The following BMS1 variants were observed in gnomAD, a reference collection of about 807,000 sequenced individuals.
The protein encoded by BMS1 is ribosome biogenesis protein BMS1 homolog.
Under a neutral mutation model 138.7 loss-of-function variants are expected in BMS1, and 53 were observed. That is an observed-to-expected ratio of 0.38 (90% confidence interval 0.31 to 0.48). The LOEUF (loss-of-function observed/expected upper bound fraction) is 0.48. Among genes scored for constraint, BMS1 ranks in the 20% least tolerant of loss-of-function variants. The probability of loss-of-function intolerance (pLI) is 0.97; values close to 1 mark genes in which losing one functional copy is unlikely to be tolerated. For missense variants in BMS1, 1,360 were observed against 1,565.5 expected, an observed-to-expected ratio of 0.87 and a Z score of 2.22; for synonymous variants, 504 against 539.9, an observed-to-expected ratio of 0.93 and a Z score of 0.92.
chr10:42,810,424 C>A (rs1413226193), intron 13 of BMS1, among the ~76,000 whole-genome samples: 1 of 152,092 alleles, frequency 6.6e-6, no homozygotes, highest in Non-Finnish European at 1.5e-5. Context: ...ATGAGAGATA[C>A]TGGTCTGTGA....
chr10:42,789,290 C>T (rs2132299337), intron 4 of BMS1, among the ~76,000 whole-genome samples: 1 of 152,330 alleles, frequency 6.6e-6, no homozygotes, highest in Admixed American at 6.5e-5. Context: ...AAAAGCTGTG[C>T]TTGCTGCCTC....
rs774220524 is a variant in BMS1, at chr10:42,823,115, T to C, written c.3133-3T>C. The C allele has an allele frequency of 6.3e-7, 1 of 1,575,356 alleles. No homozygotes were observed. The highest frequency in any genetic ancestry group is 1.2e-5 in the South Asian group (1 of 83,760). On this transcript the variant is annotated splice_polypyrimidine_tract_variant and splice_region_variant and intron_variant, in intron 19 of 22. Coordinates refer to ENST00000374518, the MANE Select transcript of BMS1 (RefSeq NM_014753.4). ...GTGTGTTTTTATCTTGCTATACCTG[T>C]AGGGAATGTTTAATTCTGCCTTGGA...
rs1422627807 is a variant in BMS1, at chr10:42,831,619, C to T, written c.*523C>T. 1 of 156,478 alleles carries T rather than the reference C, an allele frequency of 6.4e-6. No individual in the cohort carries two copies. Among genetic ancestry groups the T allele is most frequent in the Non-Finnish European group, 1.4e-5 (1 of 70,580 alleles). 9.7% of individuals were successfully genotyped at this position (156,478 alleles called of 1,614,324 possible). ...AACCTAGATGGTACAGCCTACTGTG[C>T]ACCCAGGATCTATGGGCTCCTTTGA... is the stretch of plus-strand genomic sequence containing the variant. On this transcript the variant is annotated 3_prime_UTR_variant, in exon 23 of 23. Coordinates refer to ENST00000374518, the MANE Select transcript of BMS1 (RefSeq NM_014753.4).
chr10:42,826,645 G>A (rs1220494232), intron 21 of BMS1, among the ~76,000 whole-genome samples: 1 of 152,224 alleles, frequency 6.6e-6, no homozygotes, highest in Non-Finnish European at 1.5e-5. Context: ...GGGTTCTACA[G>A]TTGTTTGTCC....
At chr10:42,798,724 T>G (rs1841775478) in intron 12 of BMS1, 99 bp downstream of exon 12, 2 of 1,488,098 alleles carry the variant, frequency 1.3e-6, no homozygotes, top group African/African-American at 1.4e-5. Context: ...GTTGGCTTCT[T>G]ATTTTTACAG....
intron 4 of BMS1, among the ~76,000 whole-genome samples, chr10:42,788,676 G>A (rs1354017731): frequency 1.3e-5 from 2 of 152,162 alleles, no homozygotes; most frequent in Admixed American, 1.3e-4. Context: ...CATTGAGAGA[G>A]ATGCCCATTA....
In BMS1 at chr10:42,796,467, A is replaced by C. The variant is rs754149722; in HGVS notation, c.1230-7A>C. On this transcript the variant is annotated splice_polypyrimidine_tract_variant and splice_region_variant and intron_variant, in intron 9 of 22. Coordinates refer to ENST00000374518, the MANE Select transcript of BMS1 (RefSeq NM_014753.4). ...TTGAATTATTTTGTATTTCCTTGGT[A>C]ATACAGGCTAATGATGCCAAAGGAG... is the stretch of plus-strand genomic sequence containing the variant. 29 of 1,604,662 alleles carry C rather than the reference A, an allele frequency of 1.8e-5. No homozygotes were observed. The highest frequency in any genetic ancestry group is 2.5e-5 in the Non-Finnish European group (29 of 1,172,994).
intron 13 of BMS1, among the ~76,000 whole-genome samples, chr10:42,814,495 C>T (rs796316270): frequency 6.6e-6 from 1 of 152,052 alleles, no homozygotes; most frequent in African/African-American, 2.4e-5. Flanking sequence ...TTGTTTGTTG[C>T]CATAGGATTT....
intron 13 of BMS1, among the ~76,000 whole-genome samples, chr10:42,810,010 C>G (rs183341021): frequency 1.5e-4 from 18 of 123,884 alleles, no homozygotes; most frequent in African/African-American, 5.4e-4. Context: ...CCAGGCTGGT[C>G]TTGGCTTCAA....
At chr10:42,830,022 G>T (rs1842756234) in intron 21 of BMS1, among the ~76,000 whole-genome samples, 1 of 152,132 alleles carries the variant, frequency 6.6e-6, no homozygotes, top group Non-Finnish European at 1.5e-5. Flanking sequence ...GGCACAGTGG[G>T]TTTTGGGGGG....
chr10:42,826,237 T>TTGTGTGTGTGTGTGTGTGTGTG (rs35886214), intron 21 of BMS1, among the ~76,000 whole-genome samples: 1 of 145,648 alleles, frequency 6.9e-6, no homozygotes, highest in Non-Finnish European at 1.5e-5. Context: ...TTTTTGTTTG[T>TTGTGTGTGTGTGTGTGTGTGTG]TGTGTGTGTG....
At chr10:42,795,826 C>T (rs1359023015) in intron 9 of BMS1, among the ~76,000 whole-genome samples, 1 of 152,086 alleles carries the variant, frequency 6.6e-6, no homozygotes. Flanking sequence ...TCTGTCATTC[C>T]TCCTACGTTT....
intron 13 of BMS1, among the ~76,000 whole-genome samples, chr10:42,809,648 ATGT>A (rs1451101506): frequency 3.3e-5 from 5 of 152,072 alleles, no homozygotes. Flanking sequence ...TGGACTTCCT[ATGT>A]TGTTCCCAAT....
At chr10:42,788,916 T>C (rs1481425621) in intron 4 of BMS1, among the ~76,000 whole-genome samples, 2 of 152,352 alleles carry the variant, frequency 1.3e-5, no homozygotes, top group Non-Finnish European at 1.5e-5. Context: ...TTTTTTCATA[T>C]AATGTATTTT....
At chr10:42,830,538 C>T in intron 22 of BMS1, 116 bp downstream of exon 22, 1 of 1,361,688 alleles carries the variant, frequency 7.3e-7, no homozygotes, top group Non-Finnish European at 9.9e-7. Flanking sequence ...GAACTAAAGT[C>T]AGAGGAAGAG....
rs1401499677 is a variant in BMS1 at position 42,793,155 on chromosome 10, G to A, written c.1089+11G>A. ...AGCCACGTTTTTCAGGTATCGGTGA[G>A]ACGGGAGTCATTTCTCTGAACTTTC... On this transcript the variant is annotated intron_variant, in intron 8 of 22. Coordinates refer to ENST00000374518, the MANE Select transcript of BMS1 (RefSeq NM_014753.4). 2 of 1,579,336 alleles carry A rather than the reference G, an allele frequency of 1.3e-6. No homozygotes were observed. The highest frequency in any genetic ancestry group is 1.2e-5 in the South Asian group (1 of 85,162).
At chr10:42,794,618 C>G (rs190265089) in intron 9 of BMS1, among the ~76,000 whole-genome samples, 2 of 150,596 alleles carry the variant, frequency 1.3e-5, no homozygotes, top group Non-Finnish European at 1.5e-5. Context: ...ACGAAGTGTT[C>G]GCCGAAAGAT....
At chr10:42,786,907 A>T (rs1395436037) in intron 3 of BMS1, among the ~76,000 whole-genome samples, 1 of 152,236 alleles carries the variant, frequency 6.6e-6, no homozygotes, top group East Asian at 1.9e-4. Flanking sequence ...GAGTCTGTGC[A>T]GTCAGAATTT....
chr10:42,790,853 A>G (rs1409124838), intron 5 of BMS1, among the ~76,000 whole-genome samples: 1 of 152,014 alleles, frequency 6.6e-6, no homozygotes, highest in African/African-American at 2.4e-5. Context: ...CTTGTCTCAA[A>G]AAAAAAAAAT....
Sources: gnomAD v4.1 joint callset for allele counts (sites outside exome capture counted in the v4.1 genomes callset) on GRCh38, gnomAD v4.1.1 for gene constraint, MANE v1.5 for transcripts, NCBI Gene and HGNC (gene_info 2026-07-23, HGNC 2026-07-21) for gene names.